The following ATAD1 variants were observed in gnomAD, a reference collection of about 807,000 sequenced individuals.
The protein encoded by ATAD1 is ATPase family AAA domain containing 1.
In ATAD1, 18 loss-of-function variants were observed where a neutral mutation model predicts 42.7. That is an observed-to-expected ratio of 0.42 (90% confidence interval 0.29 to 0.63). ATAD1 has a LOEUF of 0.63. Among genes scored for constraint, ATAD1 ranks in the 20% least tolerant of loss-of-function variants. The pLI is 0.19. For missense variants in ATAD1, 294 were observed against 440.4 expected (o/e 0.67, Z 2.98); for synonymous variants, 132 against 143.1 (o/e 0.92, Z 0.55).
intron 5 of ATAD1, among the ~76,000 whole-genome samples, chr10:87,783,387 C>A (rs1303638274): frequency 1.7e-4 from 25 of 150,226 alleles, no homozygotes; most frequent in Non-Finnish European, 2.8e-4. Flanking sequence ...AAAACAAAAA[C>A]AAAATAAACT....
intron 8 of ATAD1, among the ~76,000 whole-genome samples, chr10:87,761,556 G>C (rs1378281062): frequency 6.6e-6 from 1 of 152,074 alleles, no homozygotes; most frequent in East Asian, 1.9e-4. Context: ...CAGCTACTCA[G>C]GGGGCTGAGG....
intron 2 of ATAD1, among the ~76,000 whole-genome samples, chr10:87,810,868 T>C (rs1797334879): frequency 6.6e-6 from 1 of 152,202 alleles, no homozygotes; most frequent in African/African-American, 2.4e-5. Flanking sequence ...ACTACCTACT[T>C]TAGATTGGCC....
At chr10:87,840,333 A>G (rs1858009067) in intron 1 of ATAD1, among the ~76,000 whole-genome samples, 1 of 152,124 alleles carries the variant, frequency 6.6e-6, no homozygotes, top group African/African-American at 2.4e-5. Flanking sequence ...ATAAAAGTAA[A>G]AAATTAGCCG....
At chr10:87,757,365 GCTC>G (rs1346538054) in intron 8 of ATAD1, among the ~76,000 whole-genome samples, 1 of 150,958 alleles carries the variant, frequency 6.6e-6, no homozygotes, top group African/African-American at 2.4e-5. Flanking sequence ...CTATACTTTT[GCTC>G]CTCAAGCTAA....
At chr10:87,772,989 T>C (rs940208095) in intron 6 of ATAD1, among the ~76,000 whole-genome samples, 3 of 152,168 alleles carry the variant, frequency 2.0e-5, no homozygotes, top group African/African-American at 7.2e-5. Flanking sequence ...TGCCTTCATT[T>C]GCCAAGAATC....
At chr10:87,759,850 C>A in intron 8 of ATAD1, 1 of 427,364 alleles carries the variant, frequency 2.3e-6, no homozygotes, top group Non-Finnish European at 4.7e-6. Flanking sequence ...CAATGTATAG[C>A]TCACCAAAAT....
chr10:87,800,656 C>T (rs1218611371), intron 2 of ATAD1, among the ~76,000 whole-genome samples: 2 of 152,172 alleles, frequency 1.3e-5, no homozygotes, highest in Middle Eastern at 3.4e-3. Context: ...ATGTATCTTT[C>T]TATATGTTCA....
chr10:87,787,163 A>T (rs1164023065), intron 4 of ATAD1, among the ~76,000 whole-genome samples: 1 of 152,218 alleles, frequency 6.6e-6, no homozygotes, highest in Non-Finnish European at 1.5e-5. Flanking sequence ...CAACCTTTAA[A>T]TTAGTTCTTT....
At chr10:87,813,759 TTA>T (rs1857288746) in intron 2 of ATAD1, among the ~76,000 whole-genome samples, 2 of 151,952 alleles carry the variant, frequency 1.3e-5, no homozygotes, top group Admixed American at 6.6e-5. Context: ...TTAAGATAAA[TTA>T]TGTTATTATA....
intron 1 of ATAD1, among the ~76,000 whole-genome samples, chr10:87,828,669 A>T (rs1037788352): frequency 2.0e-5 from 3 of 152,224 alleles, no homozygotes; most frequent in African/African-American, 2.4e-5. Flanking sequence ...CTTTTATTGG[A>T]AGAAAATGCC....
intron 5 of ATAD1, among the ~76,000 whole-genome samples, chr10:87,783,699 C>G (rs981020728): frequency 2.0e-5 from 3 of 151,296 alleles, no homozygotes; most frequent in African/African-American, 7.3e-5. Context: ...AAATATTGAT[C>G]CATAATATAG....
At chr10:87,817,796 T>C in intron 1 of ATAD1, 1 of 985,480 alleles carries the variant, frequency 1.0e-6, no homozygotes, top group Non-Finnish European at 1.2e-6. Context: ...CAATCAGACC[T>C]GGTTCATTCC....
chr10:87,831,212 A>G (rs1857822701), intron 1 of ATAD1, among the ~76,000 whole-genome samples: 1 of 152,228 alleles, frequency 6.6e-6, no homozygotes, highest in South Asian at 2.1e-4. Context: ...GTTTGTTGTC[A>G]TCATAATTAT....
chr10:87,822,642 G>A (rs559487504), upstream of ATAD1, among the ~76,000 whole-genome samples: 234 of 152,252 alleles, frequency 1.5e-3, 1 homozygote, highest in African/African-American at 5.3e-3. Context: ...GGGAAGAATA[G>A]TGGTGGGGGG....
chr10:87,761,870 C>T (rs1399055855), intron 8 of ATAD1, among the ~76,000 whole-genome samples: 1 of 151,964 alleles, frequency 6.6e-6, no homozygotes, highest in Non-Finnish European at 1.5e-5. Flanking sequence ...AAGTGATCCT[C>T]CTGCCTCAGC....
intron 2 of ATAD1, among the ~76,000 whole-genome samples, chr10:87,798,924 T>C (rs559215833): frequency 6.6e-6 from 1 of 152,240 alleles, no homozygotes; most frequent in South Asian, 2.1e-4. Flanking sequence ...TGTACTTCTA[T>C]CAGCATGCCT....
At chr10:87,808,490 C>T (rs1180430036) in intron 2 of ATAD1, among the ~76,000 whole-genome samples, 1 of 152,178 alleles carries the variant, frequency 6.6e-6, no homozygotes, top group Non-Finnish European at 1.5e-5. Context: ...GCAGAGGTTG[C>T]AGTGAGCCAA....
At chr10:87,767,995 A>G (rs977331250) in intron 7 of ATAD1, among the ~76,000 whole-genome samples, 3 of 152,150 alleles carry the variant, frequency 2.0e-5, no homozygotes, top group Admixed American at 6.5e-5. Flanking sequence ...GAGTAAATGA[A>G]TATCTATGAC....
At chr10:87,818,954 C>T (rs1370404479), upstream of ATAD1, 2 of 152,240 alleles carry the variant, frequency 1.3e-5, no homozygotes, top group Non-Finnish European at 2.9e-5. Flanking sequence ...AAAGCCAGAG[C>T]CTCCTGAATA....
Sources: gnomAD v4.1 joint callset for allele counts (sites outside exome capture counted in the v4.1 genomes callset) on GRCh38, gnomAD v4.1.1 for gene constraint, MANE v1.5 for transcripts, NCBI Gene and HGNC (gene_info 2026-07-23, HGNC 2026-07-21) for gene names.